MBNL1: variants seen among roughly 807,000 people sequenced by gnomAD.
The protein encoded by MBNL1 is muscleblind like splicing regulator 1.
MBNL1 carries 8 observed loss-of-function variants against 42.2 expected under a neutral mutation model. That is an observed-to-expected ratio of 0.19 (90% CI 0.11 to 0.34). The LOEUF is 0.34. MBNL1 is among the 10% of genes least tolerant of loss of function. The pLI is 1.00. For synonymous variants in MBNL1, 169 were observed against 173.9 expected (o/e 0.97, Z 0.22); for missense variants, 309 against 495.3 (o/e 0.62, Z 3.57).
rs186971416 is a variant in MBNL1, at chr3:152,346,751, G to C, written c.174+46384G>C. ...ATTCTCAATTTAAAACACTAAAATA[G>C]TGAGGGTTTCATAAGCTGTTTCAGT... On this transcript the variant is annotated intron_variant, in intron 2 of 9. Transcript: ENST00000324210. 1.1e-4 allele frequency among the ~76,000 whole-genome samples: 16 copies of C among 152,124 alleles called. No homozygotes were observed. The East Asian group carries it at 1.5e-3, about 15-fold the overall frequency.
chr3:152,377,820 A>C (rs2096977625), intron 2 of MBNL1, among the ~76,000 whole-genome samples: 1 of 152,228 alleles, frequency 6.6e-6, no homozygotes, highest in Admixed American at 6.5e-5. Context: ...GGACACAAGG[A>C]TAAGGTATAG....
intron 2 of MBNL1, among the ~76,000 whole-genome samples, chr3:152,307,687 T>C (rs186523952): frequency 3.1e-3 from 474 of 152,350 alleles, no homozygotes; most frequent in African/African-American, 0.011. Flanking sequence ...TAATCTGATT[T>C]CACAGCCTGT....
upstream of MBNL1, chr3:152,268,850 T>TGGGCGGGCGGGGGAGGGGCC: frequency 2.4e-6 from 1 of 423,230 alleles, no homozygotes; most frequent in Non-Finnish European, 4.7e-6. Context: ...CTGGTGGGGC[T>TGGGCGGGCGGGGGAGGGGCC]GGGCGGGCGG....
chr3:152,271,423 G>A (rs2041811614), intron 1 of MBNL1, among the ~76,000 whole-genome samples: 2 of 152,066 alleles, frequency 1.3e-5, no homozygotes, highest in South Asian at 4.1e-4. Flanking sequence ...TTCATTATAA[G>A]AAAAAAATGC....
At chr3:152,350,200 A>G (rs1319893084) in intron 2 of MBNL1, among the ~76,000 whole-genome samples, 1 of 152,174 alleles carries the variant, frequency 6.6e-6, no homozygotes, top group Non-Finnish European at 1.5e-5. Flanking sequence ...TTGCCAAGGC[A>G]AAAGAGAAAA....
chr3:152,436,787 C>T (rs1241646224), intron 4 of MBNL1, among the ~76,000 whole-genome samples: 6 of 152,154 alleles, frequency 3.9e-5, no homozygotes, highest in Admixed American at 2.6e-4. Flanking sequence ...AGCTACTTAG[C>T]GTATTTTGTC....
At chr3:152,371,153 AT>A (rs2096644091) in intron 2 of MBNL1, among the ~76,000 whole-genome samples, 5 of 151,932 alleles carry the variant, frequency 3.3e-5, no homozygotes, top group Admixed American at 3.3e-4. Flanking sequence ...TCCTTTTTGT[AT>A]TTAGTGCTTC....
At chr3:152,275,805 A>G (rs1222243289) in intron 1 of MBNL1, among the ~76,000 whole-genome samples, 1 of 151,690 alleles carries the variant, frequency 6.6e-6, no homozygotes, top group Non-Finnish European at 1.5e-5. Context: ...GGTTTCTAAA[A>G]GTGGAACTCC....
At chr3:152,279,901 T>G (rs1274261094) in intron 1 of MBNL1, among the ~76,000 whole-genome samples, 1 of 152,204 alleles carries the variant, frequency 6.6e-6, no homozygotes, top group Non-Finnish European at 1.5e-5. Flanking sequence ...TGATGTAGCC[T>G]GTGACTTTAA....
chr3:152,279,181 G>GA (rs1388678019), intron 1 of MBNL1, among the ~76,000 whole-genome samples: 5 of 151,950 alleles, frequency 3.3e-5, no homozygotes, highest in Admixed American at 6.6e-5. Context: ...GTTGTTTTTG[G>GA]AAAAAAACAG....
intron 2 of MBNL1, among the ~76,000 whole-genome samples, chr3:152,260,675 T>G (rs1189371496): frequency 6.6e-6 from 1 of 152,320 alleles, no homozygotes; most frequent in East Asian, 1.9e-4. Flanking sequence ...AGACAGGGTA[T>G]AGAATTTTAA....
intron 2 of MBNL1, chr3:152,335,031 T>TCTGCTG (rs956334932): frequency 5.9e-6 from 7 of 1,188,898 alleles, no homozygotes; most frequent in African/African-American, 1.6e-5. Flanking sequence ...TGCTCCAGCT[T>TCTGCTG]CTGCTGCTGC....
chr3:152,422,735 A>G (rs2098827644), intron 3 of MBNL1, among the ~76,000 whole-genome samples: 1 of 152,228 alleles, frequency 6.6e-6, no homozygotes, highest in South Asian at 2.1e-4. Flanking sequence ...AAGAACAGAT[A>G]TCATAAACAG....
intron 2 of MBNL1, among the ~76,000 whole-genome samples, chr3:152,390,691 T>C (rs1560412928): frequency 6.6e-6 from 1 of 151,914 alleles, no homozygotes; most frequent in Non-Finnish European, 1.5e-5. Context: ...TAGGCCGAGA[T>C]AGTTTTTGAA....
At chr3:152,292,120 G>A (rs971064191) in intron 1 of MBNL1, among the ~76,000 whole-genome samples, 1 of 152,178 alleles carries the variant, frequency 6.6e-6, no homozygotes, top group Non-Finnish European at 1.5e-5. Flanking sequence ...CTTTGCAGTA[G>A]GGACTTGGAC....
rs907007405 is a variant in MBNL1, at chr3:152,443,209, A to C, written c.550-2073A>C. Among the ~76,000 whole-genome samples the C allele has an allele frequency of 5.6e-5, 8 of 142,272 alleles. No homozygotes were observed. In the East Asian group the frequency reaches 1.9e-3, roughly 34 times the overall value. 93.3% of individuals were successfully genotyped at this position (142,272 alleles called of 152,430 possible). A position where few individuals can be genotyped will look rare whatever the true frequency, so the allele number is the denominator to read the frequency against. ...CCCCCCCCACACACACACACATGCA[A>C]ATACATACACACAGAACCTAAATAA... On this transcript the variant is annotated intron_variant, in intron 4 of 9. Transcript: ENST00000324210.
chr3:152,397,005 C>T (rs1017750458), intron 2 of MBNL1, among the ~76,000 whole-genome samples: 23 of 152,114 alleles, frequency 1.5e-4, no homozygotes, highest in African/African-American at 5.6e-4. Context: ...GACAGAAATA[C>T]ACTCATGGTA....
intron 2 of MBNL1, among the ~76,000 whole-genome samples, chr3:152,393,482 G>T (rs1284153408): frequency 2.6e-5 from 4 of 152,200 alleles, no homozygotes; most frequent in Non-Finnish European, 4.4e-5. Flanking sequence ...GAAACACTGG[G>T]TGAGAAAGCC....
intron 2 of MBNL1, among the ~76,000 whole-genome samples, chr3:152,255,016 G>C (rs887543701): frequency 7.9e-5 from 12 of 152,132 alleles, no homozygotes; most frequent in African/African-American, 2.9e-4. Context: ...GAGAAGCAAA[G>C]TAGGTAAATC....
Sources: gnomAD v4.1 joint callset for allele counts (sites outside exome capture counted in the v4.1 genomes callset) on GRCh38, gnomAD v4.1.1 for gene constraint, MANE v1.5 for transcripts, NCBI Gene and HGNC (gene_info 2026-07-23, HGNC 2026-07-21) for gene names.